Variants in LRFN5 observed in about 807,000 individuals in gnomAD.
LRFN5 encodes the protein leucine rich repeat and fibronectin type III domain containing 5.
Under a neutral mutation model 45.6 loss-of-function variants are expected in LRFN5, and 24 were observed. The ratio of observed to expected loss-of-function variants is 0.53; its 90% CI spans 0.38 to 0.74. LRFN5 has a LOEUF of 0.74. LRFN5 is among the 30% of genes least tolerant of loss of function. The probability of loss-of-function intolerance (pLI) is 0.00; values close to 1 mark genes in which losing one functional copy is unlikely to be tolerated. For missense variants in LRFN5, 776 were observed against 861.5 expected (o/e 0.90, Z 1.24); for synonymous variants, 340 against 313.8 (o/e 1.08, Z -0.88).
chr14:41,765,805 A>G (rs1330502223), intron 1 of LRFN5, among the ~76,000 whole-genome samples: 2 of 152,178 alleles, frequency 1.3e-5, no homozygotes, highest in Non-Finnish European at 2.9e-5. Context: ...TGCACAAGTA[A>G]TCTGTGCCTT....
intron 1 of LRFN5, among the ~76,000 whole-genome samples, chr14:41,659,018 A>G (rs1294701858): frequency 2.0e-5 from 3 of 151,706 alleles, no homozygotes; most frequent in Non-Finnish European, 1.5e-5. Flanking sequence ...TTTTGGCTCT[A>G]TTACAACCAA....
chr14:41,835,471 A>G (rs1888629209), intron 2 of LRFN5, among the ~76,000 whole-genome samples: 1 of 152,196 alleles, frequency 6.6e-6, no homozygotes, highest in Non-Finnish European at 1.5e-5. Flanking sequence ...AGTCAAATAG[A>G]CCTCATAACT....
chr14:41,759,966 C>T (rs1002576280), intron 1 of LRFN5, among the ~76,000 whole-genome samples: 1 of 152,142 alleles, frequency 6.6e-6, no homozygotes, highest in African/African-American at 2.4e-5. Flanking sequence ...CAGAGGGATT[C>T]CCACATATCT....
chr14:41,886,692 C>T lies in LRFN5; in HGVS notation c.67C>T (p.Arg23Cys), dbSNP rs1486862715. ...AGTGAAAGCTCAGATCTGTCCAAAGCGTTGTGTCTGTCAGATTTTGTCTCC... is the reference window on the plus strand; with the variant it reads ...AGTGAAAGCTCAGATCTGTCCAAAGTGTTGTGTCTGTCAGATTTTGTCTCC... ...IAVKAQICPKRCVCQILSPNL... is the reference protein window; with the variant it reads ...IAVKAQICPKCCVCQILSPNL... Residue 23 changes from arginine (R) to cysteine (C), a missense_variant, in exon 3 of 6, where the codon CGT becomes TGT. Arg to Cys is a radical substitution (Grantham distance 180, BLOSUM62 -3). This residue lies in a region of LRFN5 where 311 missense variants were observed against 405.1 expected (regional missense o/e 0.77). Transcript: ENST00000298119. 2.5e-6 allele frequency: 4 copies of T among 1,613,804 alleles called. No homozygotes were observed. Among genetic ancestry groups the T allele is most frequent in the Non-Finnish European group, 3.4e-6 (4 of 1,179,950 alleles).
At chr14:41,810,373 G>A (rs1348978515) in intron 2 of LRFN5, among the ~76,000 whole-genome samples, 7 of 151,960 alleles carry the variant, frequency 4.6e-5, no homozygotes, top group African/African-American at 1.7e-4. Context: ...ACACCAAAGA[G>A]GTGCCAGTTT....
chr14:41,750,048 G>A (rs923992197), intron 1 of LRFN5, among the ~76,000 whole-genome samples: 23 of 151,646 alleles, frequency 1.5e-4, no homozygotes, highest in African/African-American at 5.1e-4. Flanking sequence ...TTTCTGTTTG[G>A]CTTATTCATT....
intron 1 of LRFN5, among the ~76,000 whole-genome samples, chr14:41,639,631 G>A (rs1189781563): frequency 6.6e-6 from 1 of 152,122 alleles, no homozygotes; most frequent in African/African-American, 2.4e-5. Flanking sequence ...ATTGAAAAAT[G>A]TAGGAGGACT....
At chr14:41,633,829 T>C (rs1239986519) in intron 1 of LRFN5, among the ~76,000 whole-genome samples, 14 of 152,136 alleles carry the variant, frequency 9.2e-5, no homozygotes, top group Admixed American at 9.2e-4. Flanking sequence ...GAATAGACCC[T>C]ATCTTCCTCA....
chr14:41,680,358 G>T (rs1362596378), intron 1 of LRFN5, among the ~76,000 whole-genome samples: 1 of 152,168 alleles, frequency 6.6e-6, no homozygotes. Context: ...CATTCCTAAT[G>T]GTGGTGGCCA....
intron 1 of LRFN5, among the ~76,000 whole-genome samples, chr14:41,730,136 A>G (rs1884105410): frequency 6.6e-6 from 1 of 152,098 alleles, no homozygotes; most frequent in African/African-American, 2.4e-5. Context: ...TTTATTGCAA[A>G]TTATCAGTTA....
intron 4 of LRFN5, chr14:41,892,302 TAC>T (rs1471459475): frequency 1.1e-3 from 935 of 883,750 alleles, no homozygotes; most frequent in Middle Eastern, 1.8e-3. Flanking sequence ...TATATATATA[TAC>T]ACATATATAA....
chr14:41,705,356 G>A (rs901128196), intron 1 of LRFN5, among the ~76,000 whole-genome samples: 3 of 152,048 alleles, frequency 2.0e-5, no homozygotes, highest in African/African-American at 7.2e-5. Context: ...TTCTTGAGGT[G>A]ACTAAGGTAA....
rs762708382 is a variant in LRFN5, at chr14:41,891,253, G to T, written c.1389G>T (p.Met463Ile). The change falls in exon 4 of 6, where the codon ATG becomes ATT. Residue 463 changes from methionine to isoleucine, a missense_variant. Physicochemically the swap from Met to Ile is conservative, Grantham distance 10 (BLOSUM62 1). This residue lies in a region of LRFN5 where 465 missense variants were observed against 456.4 expected (regional missense o/e 1.02). Transcript: ENST00000298119. ...GTYDDTLVYR[M>I]IPPTSKTFLV... ...CACAAATTCCATTGTCCCTCAGAAT[G>T]ATACCTCCTACGAGCAAAACTTTTC... 1 of 1,612,296 alleles carries T rather than the reference G, an allele frequency of 6.2e-7. No homozygotes were observed.
chr14:41,754,541 G>A (rs1885288781), intron 1 of LRFN5, among the ~76,000 whole-genome samples: 1 of 152,086 alleles, frequency 6.6e-6, no homozygotes, highest in African/African-American at 2.4e-5. Flanking sequence ...AGATTTTCTA[G>A]TTTATTTGCG....
At chr14:41,642,424 G>C (rs1038162900) in intron 1 of LRFN5, among the ~76,000 whole-genome samples, 1 of 152,170 alleles carries the variant, frequency 6.6e-6, no homozygotes, top group Admixed American at 6.6e-5. Context: ...CTCAATGGCT[G>C]TTATGAAAAT....
intron 1 of LRFN5, among the ~76,000 whole-genome samples, chr14:41,744,339 C>A (rs1884829957): frequency 6.6e-6 from 1 of 151,922 alleles, no homozygotes. Flanking sequence ...GCCCGGGTGA[C>A]CGAATGAGGC....
intron 1 of LRFN5, among the ~76,000 whole-genome samples, chr14:41,718,963 A>G (rs1883603919): frequency 6.6e-6 from 1 of 152,208 alleles, no homozygotes; most frequent in Admixed American, 6.5e-5. Context: ...TTGTGACTGT[A>G]AGACAGGAAG....
intron 5 of LRFN5, among the ~76,000 whole-genome samples, chr14:41,900,900 C>T (rs781197547): frequency 6.6e-6 from 1 of 152,118 alleles, no homozygotes; most frequent in Admixed American, 6.6e-5. Context: ...AGGTGGAGAG[C>T]GGGCAGAGAC....
intron 1 of LRFN5, among the ~76,000 whole-genome samples, chr14:41,712,585 TAGCC>T (rs1883330852): frequency 6.6e-6 from 1 of 152,164 alleles, no homozygotes; most frequent in East Asian, 1.9e-4. Flanking sequence ...GGATCAAAAA[TAGCC>T]AAGACATATT....
Sources: allele counts gnomAD v4.1 joint callset (sites outside exome capture counted in the v4.1 genomes callset), GRCh38; gene constraint gnomAD v4.1.1; regional missense constraint gnomAD v4.1.1; transcripts MANE v1.5; gene names NCBI Gene and HGNC (gene_info 2026-07-23, HGNC 2026-07-21).